TDG: variants seen among roughly 807,000 people sequenced by gnomAD.
TDG encodes thymine DNA glycosylase, also known as G/T mismatch-specific thymine DNA glycosylase.
TDG carries 23 observed loss-of-function variants against 46.1 expected under a neutral mutation model. The observed-to-expected ratio is 0.50, with a 90% CI of 0.36 to 0.71. The LOEUF is 0.71. Among genes scored for constraint, TDG ranks in the 30% least tolerant of loss-of-function variants. The pLI is 0.00. For synonymous variants in TDG, 115 were observed against 161.3 expected, an observed-to-expected ratio of 0.71 and a Z score of 2.18; for missense variants, 304 against 486.7, an observed-to-expected ratio of 0.62 and a Z score of 3.53.
At chr12:103,985,074 CAT>C (rs1566184246) in intron 8 of TDG, among the ~76,000 whole-genome samples, 154 bp downstream of exon 8, 5 of 127,102 alleles carry the variant, frequency 3.9e-5, no homozygotes, top group Non-Finnish European at 7.2e-5. Context: ...TGTATATATA[CAT>C]ATATACACAT....
chr12:103,985,220 T>C (rs960235422), intron 8 of TDG, among the ~76,000 whole-genome samples: 1 of 135,462 alleles, frequency 7.4e-6, no homozygotes, highest in Admixed American at 7.3e-5. Context: ...TTACAGAAAG[T>C]ATCTTATGGA....
chr12:103,971,846 A>G (rs1348497638), intron 1 of TDG, among the ~76,000 whole-genome samples: 3 of 152,154 alleles, frequency 2.0e-5, no homozygotes, highest in Non-Finnish European at 4.4e-5. Flanking sequence ...TTTCCTATAC[A>G]TTGTCCACAT....
intron 7 of TDG, among the ~76,000 whole-genome samples, chr12:103,984,163 T>A (rs181377876): frequency 6.6e-6 from 1 of 152,264 alleles, no homozygotes; most frequent in African/African-American, 2.4e-5. Context: ...AATATGCAAT[T>A]GATGAGTTTT....
chr12:103,988,672 C>T lies in TDG; in HGVS notation c.*1582C>T, dbSNP rs1303357181. 6.5e-6 allele frequency: 1 copy of T among 152,700 alleles called. No homozygotes were observed. The highest frequency in any genetic ancestry group is 6.5e-5 in the Admixed American group (1 of 15,294). 9.5% of individuals were successfully genotyped at this position (152,700 alleles called of 1,614,324 possible). ...AAAATACCCTTTAAATTATGACGGACATCCACTAGAGATGGGTTTGAGGAT... is the reference window on the plus strand; with the variant it reads ...AAAATACCCTTTAAATTATGACGGATATCCACTAGAGATGGGTTTGAGGAT... On this transcript the variant is annotated 3_prime_UTR_variant, in exon 10 of 10. Coordinates refer to ENST00000392872, the MANE Select transcript of TDG (RefSeq NM_003211.6).
chr12:103,967,891 C>G (rs60534873), intron 1 of TDG: 12,683 of 150,336 alleles, frequency 0.084, 830 homozygotes, highest in East Asian at 0.31. Flanking sequence ...TACAGTGGTG[C>G]GATCACCGTT....
At chr12:103,986,826 A>G (rs1872175679) in intron 9 of TDG, 122 bp from the exon 10 acceptor site, 8 of 1,063,380 alleles carry the variant, frequency 7.5e-6, no homozygotes, top group Non-Finnish European at 9.5e-6. Context: ...TTGAGGCTGC[A>G]AAGAGCTGTG....
At chr12:103,967,566 C>T (rs1205814779) in intron 1 of TDG, among the ~76,000 whole-genome samples, 3 of 151,060 alleles carry the variant, frequency 2.0e-5, no homozygotes, top group African/African-American at 7.3e-5. Flanking sequence ...AAGCGATTCT[C>T]CCGCTGCAGC....
At chr12:103,985,036 C>T in intron 8 of TDG, 116 bp downstream of exon 8, 4 of 691,028 alleles carry the variant, frequency 5.8e-6, no homozygotes, top group Non-Finnish European at 8.3e-6. Flanking sequence ...TATGTGTGCA[C>T]ATATATGCAC....
chr12:103,973,015 T>G (rs1311326612), intron 1 of TDG: 5 of 702,486 alleles, frequency 7.1e-6, no homozygotes. Context: ...AGAGTAGTAG[T>G]AAGAAACATG....
At chr12:103,985,166 T>TACATACACACACACACACACACACACAC (rs1555275231) in intron 8 of TDG, among the ~76,000 whole-genome samples, 1 of 138,506 alleles carries the variant, frequency 7.2e-6, no homozygotes, top group African/African-American at 2.6e-5. Context: ...TATAGACACA[T>TACATACACACACACACACACACACACAC]ACACACACAC....
intron 1 of TDG, among the ~76,000 whole-genome samples, chr12:103,970,771 TA>T (rs1566177598): frequency 3.3e-5 from 5 of 151,598 alleles, no homozygotes; most frequent in Admixed American, 6.6e-5. Context: ...ATTAAAAAAA[TA>T]AAAAAATAGC....
chr12:103,972,673 C>G (rs1434771500), intron 1 of TDG, among the ~76,000 whole-genome samples: 1 of 152,248 alleles, frequency 6.6e-6, no homozygotes, highest in South Asian at 2.1e-4. Flanking sequence ...ATGCCACAGT[C>G]CATTTTTAGA....
At chr12:103,972,978 G>A (rs1489191025) in intron 1 of TDG, 2 of 701,914 alleles carry the variant, frequency 2.8e-6, no homozygotes, top group African/African-American at 3.5e-5. Flanking sequence ...TTCATGAAGT[G>A]CTCAAAATGG....
chr12:103,987,209 A>C lies in TDG; in HGVS notation c.*119A>C. 27 of 1,431,504 alleles carry C rather than the reference A, an allele frequency of 1.9e-5. No homozygotes were observed. Among genetic ancestry groups the C allele is most frequent in the Non-Finnish European group, 2.6e-5 (27 of 1,050,986 alleles). 88.7% of individuals were successfully genotyped at this position (1,431,504 alleles called of 1,614,324 possible). ...TATTTTACTCTAGTGGTGTAATTGT[A>C]ATGTAGAACAGTTGTGTGGTAGTGT... On this transcript the variant is annotated 3_prime_UTR_variant, in exon 10 of 10. Transcript: ENST00000392872.
intron 4 of TDG, among the ~76,000 whole-genome samples, 195 bp downstream of exon 4, chr12:103,981,157 AT>A (rs4135101): frequency 0.06 from 8,936 of 149,938 alleles, 341 homozygotes; most frequent in South Asian, 0.087. Context: ...ATTTTAGTCT[AT>A]GAGAATGGAG....
intron 3 of TDG, 141 bp downstream of exon 3, chr12:103,980,213 A>C (rs1204268966): frequency 1.7e-6 from 2 of 1,206,596 alleles, no homozygotes; most frequent in Admixed American, 5.1e-5. Flanking sequence ...CAGCTTCATG[A>C]GGTTGTGTTA....
At chr12:103,980,820 C>A in intron 3 of TDG, 73 bp from the exon 4 acceptor site, 1 of 1,360,484 alleles carries the variant, frequency 7.4e-7, no homozygotes, top group Non-Finnish European at 1.0e-6. Context: ...TTTTGTCCAC[C>A]ACTCCTCCAT....
At position 103,985,012 on chromosome 12, in the gene TDG, T is replaced by C. The variant is rs563468168; in HGVS notation, c.964+92T>C. 3.9e-6 allele frequency: 4 copies of C among 1,014,098 alleles called. No homozygotes were observed. The African/African-American group carries it at 5.0e-5, about 13-fold the overall frequency. 62.8% of individuals were successfully genotyped at this position (1,014,098 alleles called of 1,614,324 possible). A position where few individuals can be genotyped will look rare whatever the true frequency, so the allele number is the denominator to read the frequency against. On this transcript the variant is annotated intron_variant, in intron 8 of 9. Coordinates refer to ENST00000392872, the MANE Select transcript of TDG (RefSeq NM_003211.6). ...ATATATACACATATACATATATACA[T>C]ATACACATATACATATGTGTGCACA...
chr12:103,969,984 A>T (rs1376202435), intron 1 of TDG, among the ~76,000 whole-genome samples: 1 of 152,208 alleles, frequency 6.6e-6, no homozygotes, highest in Non-Finnish European at 1.5e-5. Context: ...AGTTTCTAGT[A>T]GACTGTACAT....
Sources: gnomAD v4.1 joint callset for allele counts (sites outside exome capture counted in the v4.1 genomes callset) on GRCh38, gnomAD v4.1.1 for gene constraint, MANE v1.5 for transcripts, NCBI Gene and HGNC (gene_info 2026-07-23, HGNC 2026-07-21) for gene names.